VPS8: variants seen among roughly 807,000 people sequenced by gnomAD.
VPS8 encodes the protein vacuolar protein sorting-associated protein 8 homolog.
VPS8 carries 129 observed loss-of-function variants against 216.4 expected under a neutral mutation model. The observed-to-expected ratio is 0.60, with a 90% CI of 0.52 to 0.69. The LOEUF (loss-of-function observed/expected upper bound fraction) is 0.69, where lower values mean the gene tolerates loss of function less well. VPS8 is among the 30% of genes least tolerant of loss of function. The probability of loss-of-function intolerance (pLI) is 0.00; values close to 1 mark genes in which losing one functional copy is unlikely to be tolerated. For missense variants in VPS8, 1,531 were observed against 1,683.5 expected (o/e 0.91, Z 1.59); for synonymous variants, 571 against 565.4 (o/e 1.01, Z -0.14).
intron 3 of VPS8, among the ~76,000 whole-genome samples, chr3:184,829,939 T>G (rs1161356029): frequency 6.6e-6 from 1 of 152,206 alleles, no homozygotes; most frequent in Non-Finnish European, 1.5e-5. Context: ...ATATTTTATC[T>G]TCTTTCTTTC....
intron 1 of VPS8, chr3:184,816,139 G>C (rs1716274703): frequency 6.6e-6 from 1 of 152,120 alleles, no homozygotes; most frequent in Non-Finnish European, 1.5e-5. Flanking sequence ...ATAGAAGCTG[G>C]AAGTGATCAT....
At chr3:184,955,629 T>C (rs1560851352) in intron 36 of VPS8, among the ~76,000 whole-genome samples, 1 of 152,130 alleles carries the variant, frequency 6.6e-6, no homozygotes, top group Non-Finnish European at 1.5e-5. Flanking sequence ...TCTTTATTTA[T>C]TACAATCTCT....
At chr3:184,863,982 A>C (rs958708169) in intron 16 of VPS8, among the ~76,000 whole-genome samples, 14 of 152,168 alleles carry the variant, frequency 9.2e-5, no homozygotes, top group African/African-American at 2.9e-4. Context: ...ACTAAGTGAT[A>C]ATAATAATTA....
chr3:184,925,787 T>A (rs995334686), intron 30 of VPS8, among the ~76,000 whole-genome samples: 9 of 149,996 alleles, frequency 6.0e-5, no homozygotes, highest in Non-Finnish European at 1.3e-4. Flanking sequence ...TTTTTTTTTT[T>A]TTTTGAGACA....
chr3:184,831,718 C>G (rs534061969), intron 3 of VPS8, among the ~76,000 whole-genome samples: 54 of 152,328 alleles, frequency 3.5e-4, no homozygotes, highest in African/African-American at 1.3e-3. Context: ...CCCCCCATTT[C>G]AATGGTAACC....
At chr3:184,965,710 G>A (rs76199545) in intron 38 of VPS8, among the ~76,000 whole-genome samples, 1 of 152,160 alleles carries the variant, frequency 6.6e-6, no homozygotes, top group Non-Finnish European at 1.5e-5. Flanking sequence ...TAAAGACTAC[G>A]CTGGTGACTG....
At chr3:185,005,041 G>A (rs1032445414) in intron 45 of VPS8, among the ~76,000 whole-genome samples, 3 of 152,062 alleles carry the variant, frequency 2.0e-5, no homozygotes, top group African/African-American at 7.2e-5. Context: ...ATCTTGAGTT[G>A]ACTTTGTATA....
At chr3:185,013,965 C>G (rs1476650599) in intron 45 of VPS8, among the ~76,000 whole-genome samples, 1 of 152,208 alleles carries the variant, frequency 6.6e-6, no homozygotes, top group Non-Finnish European at 1.5e-5. Context: ...TAACTGGGAC[C>G]AGTCCTGTTT....
rs866208299 is a variant in VPS8 at position 184,845,850 on chromosome 3, A to G, written c.541+2605A>G. Among the ~76,000 whole-genome samples, 3 of 151,684 alleles carry G rather than the reference A, an allele frequency of 2.0e-5. No individual in the cohort carries two copies. The East Asian group carries it at 5.8e-4, about 29-fold the overall frequency. On this transcript the variant is annotated intron_variant, in intron 8 of 47. Transcript: ENST00000625842. Reference sequence around the variant, plus strand: ...GTAGATTACATTTGTTACACTGTCCATCATGTCTCTCACCATCACTGCTGT... The same window carrying G: ...GTAGATTACATTTGTTACACTGTCCGTCATGTCTCTCACCATCACTGCTGT...
At chr3:184,980,298 A>G (rs914592519) in intron 40 of VPS8, among the ~76,000 whole-genome samples, 3 of 151,932 alleles carry the variant, frequency 2.0e-5, no homozygotes, top group Non-Finnish European at 4.4e-5. Context: ...ATATCTCACA[A>G]GGGTTCTCTG....
At chr3:185,028,601 C>A (rs1757702136) in intron 46 of VPS8, among the ~76,000 whole-genome samples, 1 of 152,154 alleles carries the variant, frequency 6.6e-6, no homozygotes, top group Admixed American at 6.5e-5. Context: ...AAGATCCTAA[C>A]CCTAGGCTGT....
chr3:185,013,167 T>C (rs1015678362), intron 45 of VPS8, among the ~76,000 whole-genome samples: 1 of 152,198 alleles, frequency 6.6e-6, no homozygotes, highest in Non-Finnish European at 1.5e-5. Context: ...TTCTGGTAAA[T>C]CCACAACCTT....
Position 185,051,940 on chromosome 3 carries a change from C to G in VPS8, c.4202C>G (p.Ser1401Trp). ...SSESYRPFSGSQSAPAFNSIF... is the reference protein window; with the variant it reads ...SSESYRPFSGWQSAPAFNSIF... ...GAGAGCTATAGGCCATTCAGTGGCT[C>G]GCAGAGTGCTCCTGCTTTCAACAGC... The change falls in exon 48 of 48, where the codon TCG becomes TGG. Residue 1401 changes from serine to tryptophan, a missense_variant. Ser to Trp is a radical substitution (Grantham distance 177). Coordinates refer to ENST00000625842, the MANE Select transcript of VPS8 (RefSeq NM_001009921.3). 4 of 1,613,598 alleles carry G rather than the reference C, an allele frequency of 2.5e-6. No homozygotes were observed. The highest frequency in any genetic ancestry group is 3.4e-6 in the Non-Finnish European group (4 of 1,179,756).
intron 5 of VPS8, among the ~76,000 whole-genome samples, chr3:184,835,458 C>T (rs937342773): frequency 1.2e-4 from 18 of 152,070 alleles, no homozygotes; most frequent in Middle Eastern, 3.4e-3. Context: ...TTAATGTAAA[C>T]GATATTTAAT....
At chr3:185,042,888 G>T (rs1489631689) in intron 46 of VPS8, among the ~76,000 whole-genome samples, 8 of 152,198 alleles carry the variant, frequency 5.3e-5, no homozygotes, top group African/African-American at 1.7e-4. Flanking sequence ...TACCAATCCT[G>T]TGTGGGAACA....
intron 45 of VPS8, among the ~76,000 whole-genome samples, chr3:185,019,969 G>A (rs1002994281): frequency 2.0e-5 from 3 of 152,142 alleles, no homozygotes; most frequent in African/African-American, 7.2e-5. Flanking sequence ...GAGCTTTTTG[G>A]ATTTCAGAAT....
intron 8 of VPS8, among the ~76,000 whole-genome samples, chr3:184,846,778 A>G (rs1273642812): frequency 6.6e-6 from 1 of 152,258 alleles, no homozygotes; most frequent in Admixed American, 6.5e-5. Flanking sequence ...GTAGAGGTAT[A>G]TATGGAATAC....
At chr3:184,899,105 C>T (rs1734026964) in intron 24 of VPS8, among the ~76,000 whole-genome samples, 1 of 152,154 alleles carries the variant, frequency 6.6e-6, no homozygotes, top group South Asian at 2.1e-4. Flanking sequence ...GTTAATTGAT[C>T]ATTTTTCACT....
At chr3:184,956,633 T>TAGGA (rs1745652017) in intron 36 of VPS8, among the ~76,000 whole-genome samples, 1 of 152,192 alleles carries the variant, frequency 6.6e-6, no homozygotes, top group Non-Finnish European at 1.5e-5. Context: ...AACAGTTGAT[T>TAGGA]TCCTAAGCAG....
Sources: allele counts gnomAD v4.1 joint callset (sites outside exome capture counted in the v4.1 genomes callset), GRCh38; gene constraint gnomAD v4.1.1; transcripts MANE v1.5; gene names NCBI Gene and HGNC (gene_info 2026-07-23, HGNC 2026-07-21).